Variants in MAP3K5 observed in about 807,000 individuals in gnomAD.
MAP3K5 encodes mitogen-activated protein kinase kinase kinase 5, also known as ASK-1.
In MAP3K5, 56 loss-of-function variants were observed where a neutral mutation model predicts 158.7. That is an observed-to-expected ratio of 0.35 (90% CI 0.28 to 0.44). The LOEUF (loss-of-function observed/expected upper bound fraction) is 0.44. Ranked by LOEUF, MAP3K5 falls within the 20% of genes least tolerant of loss-of-function variation. MAP3K5 has a pLI of 1.00. For synonymous variants in MAP3K5, 579 were observed against 601.7 expected, an observed-to-expected ratio of 0.96 and a Z score of 0.55; for missense variants, 1,294 against 1,674.8, an observed-to-expected ratio of 0.77 and a Z score of 3.97.
At chr6:136,579,740 TG>T in intron 25 of MAP3K5, 1 of 450,938 alleles carries the variant, frequency 2.2e-6, no homozygotes, top group Non-Finnish European at 4.5e-6. Context: ...CTAAGGGGTA[TG>T]TGCAAAATCT....
intron 25 of MAP3K5, among the ~76,000 whole-genome samples, chr6:136,574,804 C>T (rs1460188532): frequency 6.7e-6 from 1 of 150,332 alleles, no homozygotes; most frequent in Non-Finnish European, 1.5e-5. Flanking sequence ...ATTCTCCTGC[C>T]TCAGCCTCCC....
chr6:136,665,348 A>ATTT lies in MAP3K5; in HGVS notation c.1366+3932_1366+3934dup, dbSNP rs11421136. Among the ~76,000 whole-genome samples the ATTT allele has an allele frequency of 1.8e-3, 256 of 142,070 alleles. 1 individual carries two copies. Among genetic ancestry groups the ATTT allele is most frequent in the African/African-American group, 6.3e-3 (244 of 38,754 alleles). The allele number at this position is 142,070 out of a possible 152,430, so 93.2% of individuals were successfully genotyped here. A position where few individuals can be genotyped will look rare whatever the true frequency, so the allele number is the denominator to read the frequency against. On this transcript the variant is annotated intron_variant, in intron 8 of 29. Coordinates refer to ENST00000359015, the MANE Select transcript of MAP3K5 (RefSeq NM_005923.4). ...TGTAGCATAGCTCAAGAAGAGCTGT[A>ATTT]TTTTTTTTTTTTTTTGAGATGGAGT... is the stretch of plus-strand genomic sequence containing the variant.
At chr6:136,704,174 T>C (rs1249866131) in intron 3 of MAP3K5, among the ~76,000 whole-genome samples, 1 of 152,226 alleles carries the variant, frequency 6.6e-6, no homozygotes, top group Non-Finnish European at 1.5e-5. Flanking sequence ...TACATCAATC[T>C]CTTCAAGTAG....
At chr6:136,731,387 G>A (rs1241839768) in intron 1 of MAP3K5, among the ~76,000 whole-genome samples, 1 of 152,184 alleles carries the variant, frequency 6.6e-6, no homozygotes, top group Admixed American at 6.5e-5. Flanking sequence ...AAATCAAGGT[G>A]TAGGCAGTGC....
chr6:136,760,182 T>C (rs762302139), intron 1 of MAP3K5, among the ~76,000 whole-genome samples: 2 of 152,206 alleles, frequency 1.3e-5, no homozygotes, highest in South Asian at 4.1e-4. Flanking sequence ...ATAGTCCAAT[T>C]GCAATAAGGT....
At chr6:136,682,905 T>C (rs1434243583) in intron 7 of MAP3K5, among the ~76,000 whole-genome samples, 2 of 152,140 alleles carry the variant, frequency 1.3e-5, no homozygotes, top group Non-Finnish European at 2.9e-5. Context: ...TTTTCCCTCA[T>C]TAGCTAAAAT....
At position 136,613,904 on chromosome 6, in the gene MAP3K5, A is replaced by G. The variant is rs112415657; in HGVS notation, c.2278+255T>C. ...CTTCCTCACTTTGGAACACTGGCCC[A>G]TTCTTTTGGAGTCTGTGTTTCCTGG... On this transcript the variant is annotated intron_variant, in intron 16 of 29. Transcript: ENST00000359015. This position sits in a 1 kb window ranked among gnomAD's most constrained non-coding sequence, Gnocchi z 4.0. 0.012 allele frequency among the ~76,000 whole-genome samples: 1,880 copies of G among 152,266 alleles called. 39 individuals carry two copies. Among genetic ancestry groups the G allele is most frequent in the African/African-American group, 0.044 (1,812 of 41,544 alleles).
rs1830292601 is a variant in MAP3K5, at chr6:136,557,259, A to G, written c.*499T>C. 1 of 154,446 alleles carries G rather than the reference A, an allele frequency of 6.5e-6. No homozygotes were observed. Among genetic ancestry groups the G allele is most frequent in the African/African-American group, 2.4e-5 (1 of 41,446 alleles). The allele number at this position is 154,446 out of a possible 1,614,324, so 9.6% of individuals were successfully genotyped here. A position where few individuals can be genotyped will look rare whatever the true frequency, so the allele number is the denominator to read the frequency against. On this transcript the variant is annotated 3_prime_UTR_variant, in exon 30 of 30. Coordinates refer to ENST00000359015, the MANE Select transcript of MAP3K5 (RefSeq NM_005923.4). The stretch of plus-strand genomic sequence containing the variant: ...GAGAAGTAAAAACCATTGCTCTCAG[A>G]TTCTGCACACTTAAAAAAACATAAA...
At chr6:136,646,039 GTCC>G (rs769684537) in intron 11 of MAP3K5, among the ~76,000 whole-genome samples, 1 of 152,004 alleles carries the variant, frequency 6.6e-6, no homozygotes, top group Non-Finnish European at 1.5e-5. Flanking sequence ...TTTATTGCTT[GTCC>G]TCCTTCCAAT....
At chr6:136,646,879 T>TG (rs1778284644) in intron 11 of MAP3K5, among the ~76,000 whole-genome samples, 3 of 152,372 alleles carry the variant, frequency 2.0e-5, no homozygotes, top group Admixed American at 2.0e-4. Context: ...TGATTCCACT[T>TG]GGAGTCTTGC....
chr6:136,599,240 G>A (rs1048005765), intron 21 of MAP3K5, among the ~76,000 whole-genome samples: 2 of 152,034 alleles, frequency 1.3e-5, no homozygotes, highest in Non-Finnish European at 2.9e-5. Context: ...GAAGGAGAGG[G>A]AGGAGGCACA....
chr6:136,706,349 T>C (rs1583451922), intron 2 of MAP3K5, among the ~76,000 whole-genome samples: 1 of 152,194 alleles, frequency 6.6e-6, no homozygotes, highest in East Asian at 1.9e-4. Context: ...ATACAAATAA[T>C]ATAGCTATAC....
intron 13 of MAP3K5, among the ~76,000 whole-genome samples, chr6:136,639,028 T>A (rs945799521): frequency 2.0e-5 from 3 of 152,196 alleles, no homozygotes; most frequent in Admixed American, 1.3e-4. Flanking sequence ...TTTTGGATGA[T>A]CTCTTTTATT....
At chr6:136,611,846 C>T (rs1583272172) in intron 17 of MAP3K5, among the ~76,000 whole-genome samples, 1 of 152,242 alleles carries the variant, frequency 6.6e-6, no homozygotes, top group South Asian at 2.1e-4. Flanking sequence ...GATGTAGGCA[C>T]AGTCAAATGA....
chr6:136,721,113 A>G (rs1489576582), intron 1 of MAP3K5, among the ~76,000 whole-genome samples: 2 of 151,990 alleles, frequency 1.3e-5, no homozygotes, highest in Non-Finnish European at 2.9e-5. Flanking sequence ...GAAGGAGATC[A>G]TGTGATTACT....
In MAP3K5 at chr6:136,592,605, C is replaced by T; in HGVS notation, c.2888G>A (p.Arg963Lys). The T allele has an allele frequency of 6.2e-7, 1 of 1,613,056 alleles. No individual in the cohort carries two copies. Among genetic ancestry groups the T allele is most frequent in the South Asian group, 1.1e-5 (1 of 91,038 alleles). Residue 963 changes from arginine to lysine, a missense_variant, in exon 22 of 30, where the codon AGG becomes AAG. Arg to Lys is a conservative substitution (Grantham distance 26). Around this residue, in one of 5 missense-constraint regions of MAP3K5, gnomAD observed 362 missense variants for 463.2 expected, o/e 0.78. Transcript: ENST00000359015. ...CACAGGTACCGGCAAGGATATACTC[C>T]TGAGATATTCTGCTTGTGATGAGAG... Reference protein sequence around the residue: ...ALSAGSNEYLRSISLPVPVLV... With the variant: ...ALSAGSNEYLKSISLPVPVLV...
chr6:136,751,366 A>G (rs1216036490), intron 1 of MAP3K5, among the ~76,000 whole-genome samples: 2 of 152,250 alleles, frequency 1.3e-5, no homozygotes, highest in South Asian at 2.1e-4. Flanking sequence ...ATTTACTAGC[A>G]TTAAGGAAAC....
intron 1 of MAP3K5, among the ~76,000 whole-genome samples, chr6:136,732,568 A>G (rs1217800774): frequency 6.6e-6 from 1 of 152,240 alleles, no homozygotes; most frequent in Non-Finnish European, 1.5e-5. Flanking sequence ...GACAGCTGGT[A>G]GCCAACAGAA....
At chr6:136,635,255 C>T (rs1410201303) in intron 14 of MAP3K5, among the ~76,000 whole-genome samples, 1 of 151,528 alleles carries the variant, frequency 6.6e-6, no homozygotes, top group East Asian at 1.9e-4. Context: ...TAAGTTTTAC[C>T]TTGGCAAGTT....
Sources: allele counts gnomAD v4.1 joint callset (sites outside exome capture counted in the v4.1 genomes callset), GRCh38; gene constraint gnomAD v4.1.1; regional missense constraint gnomAD v4.1.1; non-coding constraint Gnocchi (gnomAD v3.1); transcripts MANE v1.5; gene names NCBI Gene and HGNC (gene_info 2026-07-23, HGNC 2026-07-21).